EIPR1: variants seen among roughly 807,000 people sequenced by gnomAD.
EIPR1 encodes the protein EARP complex and GARP complex interacting protein 1.
A neutral mutation model predicts 48.1 loss-of-function variants in EIPR1; 25 were observed. The observed-to-expected ratio is 0.52, with a 90% CI of 0.38 to 0.73. EIPR1 has a LOEUF of 0.73. Among genes scored for constraint, EIPR1 ranks in the 30% least tolerant of loss-of-function variants. EIPR1 has a pLI of 0.00. For synonymous variants in EIPR1, 204 were observed against 201.9 expected, an observed-to-expected ratio of 1.01 and a Z score of -0.09; for missense variants, 415 against 506.2, an observed-to-expected ratio of 0.82 and a Z score of 1.73.
intron 2 of EIPR1, among the ~76,000 whole-genome samples, chr2:3,348,324 G>A (rs1300993148): frequency 2.0e-5 from 3 of 152,116 alleles, no homozygotes; most frequent in Non-Finnish European, 4.4e-5. Flanking sequence ...CTGTCACCAT[G>A]GCACTCCCAG....
rs1670676109 is a variant in EIPR1, at chr2:3,354,639, G to A, written c.43-6C>T. On this transcript the variant is annotated splice_polypyrimidine_tract_variant and splice_region_variant and intron_variant, in intron 1 of 8. Transcript: ENST00000382125. ...TGAGGTGTTAAGGCACGTGCCTGCAGGAGGGAAGAAAAACACATGCACATT... is the reference window on the plus strand; with the variant it reads ...TGAGGTGTTAAGGCACGTGCCTGCAAGAGGGAAGAAAAACACATGCACATT... 1 of 1,613,704 alleles carries A rather than the reference G, an allele frequency of 6.2e-7. No homozygotes were observed. Among genetic ancestry groups the A allele is most frequent in the South Asian group, 1.1e-5 (1 of 91,026 alleles).
intron 2 of EIPR1, among the ~76,000 whole-genome samples, chr2:3,341,121 CA>C (rs1258563248): frequency 2.2e-5 from 2 of 91,592 alleles, no homozygotes; most frequent in East Asian, 6.7e-4. Flanking sequence ...AAAAAAAAAA[CA>C]AAACAAAACT....
At chr2:3,239,306 G>A (rs1666516951) in intron 4 of EIPR1, among the ~76,000 whole-genome samples, 1 of 152,196 alleles carries the variant, frequency 6.6e-6, no homozygotes. Context: ...AAACCCCACA[G>A]GTACACACAG....
chr2:3,344,794 C>T (rs1213128333), intron 2 of EIPR1, among the ~76,000 whole-genome samples: 1 of 151,876 alleles, frequency 6.6e-6, no homozygotes, highest in African/African-American at 2.4e-5. Flanking sequence ...AGGCAGGCAC[C>T]ACCACGCCCA....
intron 1 of EIPR1, 83 bp from the exon 2 acceptor site, chr2:3,354,716 TATCTC>T: frequency 7.6e-7 from 1 of 1,311,458 alleles, no homozygotes; most frequent in Non-Finnish European, 1.1e-6. Flanking sequence ...AAAGGCAGTT[TATCTC>T]ATCTACTGTT....
At chr2:3,343,335 C>A (rs1483923880) in intron 2 of EIPR1, among the ~76,000 whole-genome samples, 1 of 152,202 alleles carries the variant, frequency 6.6e-6, no homozygotes. Flanking sequence ...AATAAACATA[C>A]GCAGGTACAG....
At chr2:3,326,660 C>T (rs1165862443) in intron 3 of EIPR1, among the ~76,000 whole-genome samples, 1 of 152,192 alleles carries the variant, frequency 6.6e-6, no homozygotes, top group East Asian at 1.9e-4. Context: ...CATTCCGCGT[C>T]ACACACATTT....
intron 3 of EIPR1, among the ~76,000 whole-genome samples, chr2:3,270,406 T>A (rs943849553): frequency 6.6e-6 from 1 of 152,224 alleles, no homozygotes; most frequent in Non-Finnish European, 1.5e-5. Context: ...CTTTTGCGTC[T>A]CCATGCGGCG....
chr2:3,228,784 C>T (rs1001745199), intron 4 of EIPR1, among the ~76,000 whole-genome samples: 11 of 152,164 alleles, frequency 7.2e-5, no homozygotes, highest in Non-Finnish European at 1.6e-4. Context: ...GTTTTATCAG[C>T]ATCTGGCATT....
chr2:3,343,111 G>A (rs1242936924), intron 2 of EIPR1, among the ~76,000 whole-genome samples: 2 of 152,200 alleles, frequency 1.3e-5, no homozygotes, highest in Admixed American at 6.5e-5. Flanking sequence ...CCTCCAGTTA[G>A]ACACGGCACA....
intron 1 of EIPR1, among the ~76,000 whole-genome samples, chr2:3,371,326 C>T (rs904593074): frequency 1.3e-5 from 2 of 152,140 alleles, no homozygotes; most frequent in African/African-American, 4.8e-5. Context: ...GAAACTGCAT[C>T]AACTAACAAG....
chr2:3,237,475 C>T (rs1394957573), intron 4 of EIPR1, among the ~76,000 whole-genome samples: 4 of 152,144 alleles, frequency 2.6e-5, no homozygotes, highest in Non-Finnish European at 5.9e-5. Flanking sequence ...GCTCTTACTG[C>T]ATCTAATTTG....
At chr2:3,335,659 G>A (rs1378263075) in intron 3 of EIPR1, among the ~76,000 whole-genome samples, 1 of 152,184 alleles carries the variant, frequency 6.6e-6, no homozygotes, top group East Asian at 1.9e-4. Context: ...ACATGTCCAG[G>A]GAGGAACCTG....
At position 3,262,824 on chromosome 2, in the gene EIPR1, T is replaced by C. The variant is rs183991962; in HGVS notation, c.260-5369A>G. Among the ~76,000 whole-genome samples, 57 of 152,262 alleles carry C rather than the reference T, an allele frequency of 3.7e-4. 1 individual carries two copies. The highest frequency in any genetic ancestry group is 3.4e-3 in the Admixed American group (52 of 15,298). Reference sequence around the variant, plus strand: ...GCCATGGGGCACCAAGTGCCACGTGTCACTCATGAGAAGAGCTCAGTCATA... The same window carrying C: ...GCCATGGGGCACCAAGTGCCACGTGCCACTCATGAGAAGAGCTCAGTCATA... On this transcript the variant is annotated intron_variant, in intron 3 of 8. Coordinates refer to ENST00000382125, the MANE Select transcript of EIPR1 (RefSeq NM_003310.5).
chr2:3,344,963 C>T (rs1670357041), intron 2 of EIPR1, among the ~76,000 whole-genome samples: 1 of 152,174 alleles, frequency 6.6e-6, no homozygotes, highest in South Asian at 2.1e-4. Flanking sequence ...ATACTTCTCT[C>T]TTAGGCAATT....
At chr2:3,257,862 G>C (rs1224407186) in intron 3 of EIPR1, among the ~76,000 whole-genome samples, 1 of 152,246 alleles carries the variant, frequency 6.6e-6, no homozygotes, top group Non-Finnish European at 1.5e-5. Context: ...ATAGCTGTAT[G>C]AGATCACCTT....
In EIPR1 at chr2:3,189,536, C is replaced by T. The variant is rs369983193; in HGVS notation, c.990-28G>A. The T allele has an allele frequency of 1.3e-4, 201 of 1,516,430 alleles. 2 individuals are homozygous for T. The highest frequency in any genetic ancestry group is 1.2e-4 in the Admixed American group (6 of 51,032). The allele number at this position is 1,516,430 out of a possible 1,614,324, so 93.9% of individuals were successfully genotyped here. A position where few individuals can be genotyped will look rare whatever the true frequency, so the allele number is the denominator to read the frequency against. On this transcript the variant is annotated intron_variant, in intron 8 of 8. Coordinates refer to ENST00000382125, the MANE Select transcript of EIPR1 (RefSeq NM_003310.5). This position sits in a 1 kb window ranked among gnomAD's most constrained non-coding sequence, Gnocchi z 4.6. The stretch of plus-strand genomic sequence containing the variant: ...GCAATGCAACAGAGGCAGACGTGAG[C>T]GCAGCAGCTCCGGCGGGGCGGGCAG...
At position 3,214,470 on chromosome 2, in the gene EIPR1, G is replaced by C. The variant is rs72763756; in HGVS notation, c.417-222C>G. 1,157 of 436,078 alleles carry C rather than the reference G, an allele frequency of 2.7e-3. 4 individuals are homozygous for C. The highest frequency in any genetic ancestry group is 3.8e-3 in the Non-Finnish European group (918 of 240,704). 27.0% of individuals were successfully genotyped at this position (436,078 alleles called of 1,614,324 possible). Reference sequence around the variant, plus strand: ...CCCCTCCCCAGATTCATGTGTGGAAGTCCTAGCCCCCCACCTGGTGTGATG... The same window carrying C: ...CCCCTCCCCAGATTCATGTGTGGAACTCCTAGCCCCCCACCTGGTGTGATG... On this transcript the variant is annotated intron_variant, in intron 4 of 8. Coordinates refer to ENST00000382125, the MANE Select transcript of EIPR1 (RefSeq NM_003310.5).
chr2:3,336,790 G>GAAAGGAAAAGAAAAGA (rs1170543991), intron 3 of EIPR1, among the ~76,000 whole-genome samples: 1 of 97,246 alleles, frequency 1.0e-5, no homozygotes, highest in South Asian at 3.0e-4. Context: ...AAAAGAAAAG[G>GAAAGGAAAAGAAAAGA]AAAGGAAAAG....
Sources: allele counts gnomAD v4.1 joint callset (sites outside exome capture counted in the v4.1 genomes callset), GRCh38; gene constraint gnomAD v4.1.1; non-coding constraint Gnocchi (gnomAD v3.1); transcripts MANE v1.5; gene names NCBI Gene and HGNC (gene_info 2026-07-23, HGNC 2026-07-21).